The following AMPD3 variants were observed in gnomAD, a reference collection of about 807,000 sequenced individuals.
AMPD3 encodes the protein adenosine monophosphate deaminase 3, also known as AMP deaminase 3.
Under a neutral mutation model 82.3 loss-of-function variants are expected in AMPD3, and 57 were observed. The ratio of observed to expected loss-of-function variants is 0.69; its 90% CI spans 0.56 to 0.86. The LOEUF is 0.86. AMPD3 is among the 40% of genes least tolerant of loss of function. The pLI, the probability that AMPD3 is intolerant of heterozygous loss-of-function variation, is 0.00. For synonymous variants in AMPD3, 381 were observed against 394.7 expected (o/e 0.97, Z 0.41); for missense variants, 870 against 1,003.8 (o/e 0.87, Z 1.80).
intron 4 of AMPD3, 38 bp downstream of exon 4, chr11:10,482,263 G>A (rs747296951): frequency 1.2e-6 from 2 of 1,605,936 alleles, no homozygotes; most frequent in Non-Finnish European, 1.7e-6. Flanking sequence ...CCCAAGTGTG[G>A]GCAGACCGAG....
chr11:10,489,627 T>C (rs962205112), intron 6 of AMPD3, among the ~76,000 whole-genome samples: 2 of 151,918 alleles, frequency 1.3e-5, no homozygotes, highest in Admixed American at 6.5e-5. Context: ...GCAGGTCTGC[T>C]ATGAGTCAGG....
intron 1 of AMPD3, among the ~76,000 whole-genome samples, chr11:10,458,254 T>TTA (rs1554894912): frequency 1.1e-5 from 1 of 91,462 alleles, no homozygotes. Flanking sequence ...ACCTCATCTC[T>TTA]AAAAAAAAAA....
intron 2 of AMPD3, among the ~76,000 whole-genome samples, chr11:10,477,578 C>T (rs1250535179): frequency 6.6e-6 from 1 of 152,164 alleles, no homozygotes; most frequent in African/African-American, 2.4e-5. Flanking sequence ...CATTTTAAAC[C>T]AACCTTGGGC....
At chr11:10,468,166 A>C (rs1848476264) in intron 2 of AMPD3, among the ~76,000 whole-genome samples, 1 of 152,212 alleles carries the variant, frequency 6.6e-6, no homozygotes, top group African/African-American at 2.4e-5. Context: ...CACACGTAAC[A>C]ATATTAGCCT....
intron 2 of AMPD3, among the ~76,000 whole-genome samples, chr11:10,464,121 A>G (rs1251588755): frequency 6.6e-6 from 1 of 152,218 alleles, no homozygotes; most frequent in Non-Finnish European, 1.5e-5. Context: ...GAGGGAATCC[A>G]CAGGTAAAAG....
At position 10,487,316 on chromosome 11, in the gene AMPD3, C is replaced by G; in HGVS notation, c.891C>G (p.Phe297Leu). ...LHEMLNEMSE[F>L]KELKSNPHRD... is the part of the protein sequence containing the mutation. ...AGATGTTAAACGAAATGTCCGAGTT[C>G]AAAGAGTTGAAGAGTAACCCCCACC... The change falls in exon 6 of 15, where the codon TTC becomes TTG. Residue 297 changes from phenylalanine to leucine, a missense_variant. Phe to Leu is a conservative substitution (Grantham distance 22, BLOSUM62 0). Transcript: ENST00000396553. 1 of 1,614,148 alleles carries G rather than the reference C, an allele frequency of 6.2e-7. No individual in the cohort carries two copies. Among genetic ancestry groups the G allele is most frequent in the African/African-American group, 1.3e-5 (1 of 75,034 alleles).
intron 6 of AMPD3, chr11:10,490,741 G>T: frequency 1.3e-6 from 1 of 789,758 alleles, no homozygotes; most frequent in Non-Finnish European, 1.5e-6. Context: ...CCAGAGGACA[G>T]GACCAGAAAG....
chr11:10,495,424 C>T, intron 8 of AMPD3, 146 bp from the exon 9 acceptor site: 9 of 1,526,148 alleles, frequency 5.9e-6, no homozygotes, highest in Non-Finnish European at 7.9e-6. Flanking sequence ...CTTACAGGAG[C>T]AGGCAGCCCT....
chr11:10,465,668 C>A (rs1230428307), intron 2 of AMPD3, among the ~76,000 whole-genome samples: 1 of 152,190 alleles, frequency 6.6e-6, no homozygotes, highest in Admixed American at 6.5e-5. Flanking sequence ...GCCTGAGGAA[C>A]TGTGCACTCT....
intron 5 of AMPD3, chr11:10,486,858 G>A (rs1209104857): frequency 1.0e-6 from 1 of 985,272 alleles, no homozygotes; most frequent in Non-Finnish European, 1.2e-6. Context: ...CACTCTGCTT[G>A]GACTCAGGCC....
chr11:10,457,080 CAA>C, intron 1 of AMPD3, among the ~76,000 whole-genome samples: 1 of 150,752 alleles, frequency 6.6e-6, no homozygotes, highest in African/African-American at 2.4e-5. Flanking sequence ...AGGACTCGAG[CAA>C]TTCTCCCAAC....
At chr11:10,460,340 C>T (rs892752673) in intron 1 of AMPD3, among the ~76,000 whole-genome samples, 1 of 151,472 alleles carries the variant, frequency 6.6e-6, no homozygotes, top group African/African-American at 2.4e-5. Context: ...CTCAAGCAGT[C>T]CTCTTGCCTT....
At chr11:10,505,349 C>G (rs1325989581) in intron 14 of AMPD3, 1 of 973,136 alleles carries the variant, frequency 1.0e-6, no homozygotes, top group Non-Finnish European at 1.2e-6. Context: ...TTGGCCCTCC[C>G]CAGGAACATT....
intron 7 of AMPD3, among the ~76,000 whole-genome samples, chr11:10,494,079 C>G (rs917810603): frequency 6.6e-6 from 1 of 152,142 alleles, no homozygotes; most frequent in Admixed American, 6.5e-5. Flanking sequence ...ATAGAAACAG[C>G]CGGTGTTCAT....
intron 11 of AMPD3, 131 bp downstream of exon 11, chr11:10,500,380 G>A: frequency 1.6e-6 from 2 of 1,283,258 alleles, no homozygotes; most frequent in African/African-American, 1.5e-5. Context: ...ATGTCCATGT[G>A]CCCACACACC....
At position 10,486,797 on chromosome 11, in the gene AMPD3, A is replaced by C. The variant is rs140001240; in HGVS notation, c.810-438A>C. 696 of 985,404 alleles carry C rather than the reference A, an allele frequency of 7.1e-4. 5 individuals carry two copies. In the African/African-American group the frequency reaches 0.011, roughly 16 times the overall value. The allele number at this position is 985,404 out of a possible 1,614,324, so 61.0% of individuals were successfully genotyped here. On this transcript the variant is annotated intron_variant, in intron 5 of 14. Coordinates refer to ENST00000396553, the MANE Select transcript of AMPD3 (RefSeq NM_001025389.2). ...AGGAATGACAAGTGGCTGAGGATAG[A>C]AAAGAGGAAGGAAAGGAGGAGATGA...
chr11:10,482,507 G>A (rs1848941393), intron 4 of AMPD3, among the ~76,000 whole-genome samples: 2 of 151,974 alleles, frequency 1.3e-5, no homozygotes, highest in African/African-American at 4.8e-5. Context: ...GTCTCATGTG[G>A]GAATTTTTTT....
At chr11:10,471,007 C>A (rs1564842634) in intron 2 of AMPD3, among the ~76,000 whole-genome samples, 1 of 152,194 alleles carries the variant, frequency 6.6e-6, no homozygotes, top group African/African-American at 2.4e-5. Context: ...ATAGCCAAGA[C>A]AATTCTAAGC....
In AMPD3 at chr11:10,467,132, G is replaced by T. The variant is rs148173662; in HGVS notation, c.221+5392G>T. On this transcript the variant is annotated intron_variant, in intron 2 of 14. Coordinates refer to ENST00000396553, the MANE Select transcript of AMPD3 (RefSeq NM_001025389.2). ...CTCCTCCAAATGATCACAACTCCTT[G>T]CCAGCAAGGGAAAAAAACTGGACAG... 8.1e-3 allele frequency among the ~76,000 whole-genome samples: 1,231 copies of T among 152,220 alleles called. 20 individuals are homozygous for T. The highest frequency in any genetic ancestry group is 0.028 in the African/African-American group (1,170 of 41,526).
Sources: allele counts gnomAD v4.1 joint callset (sites outside exome capture counted in the v4.1 genomes callset), GRCh38; gene constraint gnomAD v4.1.1; transcripts MANE v1.5; gene names NCBI Gene and HGNC (gene_info 2026-07-23, HGNC 2026-07-21).